The following AMBRA1 variants were observed in gnomAD, a reference collection of about 807,000 sequenced individuals.
The protein encoded by AMBRA1 is activating molecule in BECN1-regulated autophagy protein 1.
AMBRA1 carries 47 observed loss-of-function variants against 125.4 expected under a neutral mutation model. That is an observed-to-expected ratio of 0.37 (90% CI 0.30 to 0.48). The LOEUF is 0.48. Among genes scored for constraint, AMBRA1 ranks in the 20% least tolerant of loss-of-function variants. The pLI is 0.99. For synonymous variants in AMBRA1, 626 were observed against 655.5 expected, an observed-to-expected ratio of 0.95 and a Z score of 0.69; for missense variants, 1,331 against 1,693.4, an observed-to-expected ratio of 0.79 and a Z score of 3.76.
rs370210352 is a variant in AMBRA1, at chr11:46,524,933, T to G, written c.2073-12120A>C. Among the ~76,000 whole-genome samples, 13 of 152,344 alleles carry G rather than the reference T, an allele frequency of 8.5e-5. No homozygotes were observed. In the South Asian group the frequency reaches 2.5e-3, roughly 29 times the overall value. On this transcript the variant is annotated intron_variant, in intron 7 of 17. Transcript: ENST00000683756. ...AGGTATCCATCTACCAATCTATGTG[T>G]TGGTCCATCCAACCGGTGATTCAAA...
chr11:46,575,456 T>TA (rs772887807), intron 1 of AMBRA1, among the ~76,000 whole-genome samples: 2,470 of 118,834 alleles, frequency 0.021, 76 homozygotes, highest in South Asian at 0.17. Flanking sequence ...AAACTCTGTC[T>TA]AAAAAAAAAA....
intron 9 of AMBRA1, among the ~76,000 whole-genome samples, chr11:46,503,535 G>A (rs1262993741): frequency 6.6e-6 from 1 of 152,140 alleles, no homozygotes; most frequent in South Asian, 2.1e-4. Context: ...AGCACATGCT[G>A]TTGGAAAAAT....
chr11:46,514,109 T>C (rs1174234551), intron 7 of AMBRA1, among the ~76,000 whole-genome samples: 1 of 152,152 alleles, frequency 6.6e-6, no homozygotes, highest in African/African-American at 2.4e-5. Flanking sequence ...TAGGAACAGG[T>C]CCCTGGCTCC....
At chr11:46,541,729 C>T (rs140435768) in intron 7 of AMBRA1, among the ~76,000 whole-genome samples, 8 of 152,300 alleles carry the variant, frequency 5.3e-5, no homozygotes, top group African/African-American at 1.9e-4. Context: ...TGAGCTTAGC[C>T]GAAATAGAGC....
chr11:46,526,541 T>TA (rs1565253765), intron 7 of AMBRA1, among the ~76,000 whole-genome samples: 1 of 135,498 alleles, frequency 7.4e-6, no homozygotes, highest in African/African-American at 2.8e-5. Flanking sequence ...AAAAAAAAAT[T>TA]AAAATTAAAA....
rs566728103 is a variant in AMBRA1 at position 46,451,595 on chromosome 11, C to T, written c.2522-7997G>A. On this transcript the variant is annotated intron_variant, in intron 11 of 17. Coordinates refer to ENST00000683756, the MANE Select transcript of AMBRA1 (RefSeq NM_001387011.1). Reference sequence around the variant, plus strand: ...AGCAAATCTATCAGAAAAGCTAATTCGGGGAAGGTAAAAAAGGGCAAGTTG... The same window carrying T: ...AGCAAATCTATCAGAAAAGCTAATTTGGGGAAGGTAAAAAAGGGCAAGTTG... Among the ~76,000 whole-genome samples the T allele has an allele frequency of 2.6e-5, 4 of 151,876 alleles. 1 individual carries two copies. The highest frequency in any genetic ancestry group is 7.2e-5 in the African/African-American group (3 of 41,424).
intron 7 of AMBRA1, among the ~76,000 whole-genome samples, chr11:46,522,576 T>C (rs1300730049): frequency 6.6e-6 from 1 of 152,154 alleles, no homozygotes; most frequent in Non-Finnish European, 1.5e-5. Context: ...GCCCCCTACA[T>C]GCAACAGGTG....
intron 15 of AMBRA1, among the ~76,000 whole-genome samples, chr11:46,415,487 T>C (rs1306436518): frequency 6.6e-6 from 1 of 152,252 alleles, no homozygotes; most frequent in Non-Finnish European, 1.5e-5. Flanking sequence ...ATTCTAGTTC[T>C]GTCATCTGTT....
intron 1 of AMBRA1, among the ~76,000 whole-genome samples, chr11:46,578,208 C>T (rs1259231734): frequency 6.6e-6 from 1 of 151,996 alleles, no homozygotes; most frequent in Non-Finnish European, 1.5e-5. Flanking sequence ...CAGGTAGGGC[C>T]GGACGTGGTG....
intron 14 of AMBRA1, among the ~76,000 whole-genome samples, chr11:46,433,040 G>C (rs1947527796): frequency 6.6e-6 from 1 of 152,050 alleles, no homozygotes; most frequent in Non-Finnish European, 1.5e-5. Flanking sequence ...ACTGCCTAAA[G>C]TCTTCATCTT....
At chr11:46,406,162 T>G (rs886080693) in intron 17 of AMBRA1, among the ~76,000 whole-genome samples, 2 of 151,636 alleles carry the variant, frequency 1.3e-5, no homozygotes, top group African/African-American at 4.8e-5. Flanking sequence ...CAAGTGATTC[T>G]CCTGCCTCAG....
At chr11:46,493,256 T>A (rs186869834) in intron 11 of AMBRA1, among the ~76,000 whole-genome samples, 3 of 152,102 alleles carry the variant, frequency 2.0e-5, no homozygotes, top group Non-Finnish European at 4.4e-5. Context: ...AATCACAGGA[T>A]CTGGCTCATG....
intron 9 of AMBRA1, among the ~76,000 whole-genome samples, chr11:46,501,500 ATG>A (rs1359311995): frequency 6.6e-6 from 1 of 152,236 alleles, no homozygotes; most frequent in Admixed American, 6.5e-5. Context: ...ATACAAAATA[ATG>A]TAAAAATATG....
Position 46,542,203 on chromosome 11 carries a change from G to T in AMBRA1, c.1814C>A (p.Ser605Tyr), listed in dbSNP as rs767936094. 6.2e-7 allele frequency: 1 copy of T among 1,613,962 alleles called. No individual in the cohort carries two copies. The highest frequency in any genetic ancestry group is 8.5e-7 in the Non-Finnish European group (1 of 1,179,942). Residue 605 changes from serine to tyrosine, a missense_variant, in exon 7 of 18, where the codon TCC becomes TAC. Coordinates refer to ENST00000683756, the MANE Select transcript of AMBRA1 (RefSeq NM_001387011.1). The surrounding 1 kb of genome is among the most constrained non-coding windows in gnomAD (Gnocchi z 5.9). Reference protein sequence around the residue: ...EASSSWQVPSSFESVPSSGSQ... With the variant: ...EASSSWQVPSYFESVPSSGSQ... ...GCCACTTGATGGCACACTCTCAAAG[G>T]AGCTGGGGACCTGCCAAGAGGAACT...
chr11:46,563,411 A>C (rs1246368454), intron 1 of AMBRA1, among the ~76,000 whole-genome samples: 1 of 152,070 alleles, frequency 6.6e-6, no homozygotes, highest in African/African-American at 2.4e-5. Context: ...TTTTTTGTAG[A>C]GACAAGGTTT....
At chr11:46,543,873 C>T (rs901121794) in intron 6 of AMBRA1, 102 bp downstream of exon 6, 1 of 950,698 alleles carries the variant, frequency 1.1e-6, no homozygotes, top group Admixed American at 2.0e-5. Context: ...AAAGATAAGA[C>T]TTGGGTATTG....
At chr11:46,403,857 C>T (rs1056470206) in intron 17 of AMBRA1, among the ~76,000 whole-genome samples, 1 of 152,034 alleles carries the variant, frequency 6.6e-6, no homozygotes, top group Non-Finnish European at 1.5e-5. Flanking sequence ...TGGGGAGGGG[C>T]AGGGCACAGA....
chr11:46,422,100 A>G (rs772116578), intron 14 of AMBRA1, among the ~76,000 whole-genome samples: 8 of 152,100 alleles, frequency 5.3e-5, no homozygotes, highest in Non-Finnish European at 1.2e-4. Flanking sequence ...GTGCAGCTAC[A>G]CCACCAAATT....
At chr11:46,467,433 T>A (rs1472670970) in intron 11 of AMBRA1, among the ~76,000 whole-genome samples, 1 of 152,210 alleles carries the variant, frequency 6.6e-6, no homozygotes, top group Non-Finnish European at 1.5e-5. Flanking sequence ...TTTTGTTTCT[T>A]CTAGAAGAGA....
Sources: gnomAD v4.1 joint callset for allele counts (sites outside exome capture counted in the v4.1 genomes callset) on GRCh38, gnomAD v4.1.1 for gene constraint, Gnocchi (gnomAD v3.1) non-coding constraint, MANE v1.5 for transcripts, NCBI Gene and HGNC (gene_info 2026-07-23, HGNC 2026-07-21) for gene names.